NAA11: variants seen among roughly 807,000 people sequenced by gnomAD.
NAA11 encodes N-alpha-acetyltransferase 11.
In NAA11, 15 loss-of-function variants were observed where a neutral mutation model predicts 16.1. The ratio of observed to expected loss-of-function variants is 0.93; its 90% CI spans 0.62 to 1.44. The LOEUF (loss-of-function observed/expected upper bound fraction) is 1.44, where lower values mean the gene tolerates loss of function less well. Among genes scored for constraint, NAA11 ranks in the 40% most tolerant of loss-of-function variants. NAA11 has a pLI of 0.00. For synonymous variants in NAA11, 122 were observed against 112.4 expected (o/e 1.09, Z -0.54); for missense variants, 298 against 291.3 (o/e 1.02, Z -0.17).
intron 2 of NAA11, among the ~76,000 whole-genome samples, chr4:79,239,632 G>A (rs1161531947): frequency 1.3e-5 from 2 of 152,216 alleles, no homozygotes; most frequent in East Asian, 1.9e-4. Context: ...CCCGGAAGGC[G>A]GAGGTTGCAG....
At chr4:79,226,920 T>C (rs549856853) in intron 2 of NAA11, among the ~76,000 whole-genome samples, 163 of 152,186 alleles carry the variant, frequency 1.1e-3, no homozygotes, top group African/African-American at 3.8e-3. Context: ...GCAGCATGAT[T>C]TATATTCTTT....
At chr4:79,158,915 A>G in the NAA11 span, among the ~76,000 whole-genome samples, 1 of 151,970 alleles carries the variant, frequency 6.6e-6, no homozygotes, top group Non-Finnish European at 1.5e-5. Context: ...AGTCACATGT[A>G]GAAAGAATAC....
At chr4:79,242,935 G>C (rs1721727639) in intron 2 of NAA11, among the ~76,000 whole-genome samples, 1 of 152,214 alleles carries the variant, frequency 6.6e-6, no homozygotes, top group South Asian at 2.1e-4. Flanking sequence ...TCTCATTAGA[G>C]ATAAGAATTA....
At chr4:79,227,828 T>C in intron 2 of NAA11, 1 of 152,006 alleles carries the variant, frequency 6.6e-6, no homozygotes, top group Middle Eastern at 3.2e-3. Flanking sequence ...AACTCCCTGC[T>C]CTTCCTCATA....
chr4:79,222,470 T>A (rs1385608516), downstream of NAA11, among the ~76,000 whole-genome samples: 1 of 150,738 alleles, frequency 6.6e-6, no homozygotes, highest in African/African-American at 2.4e-5. Flanking sequence ...GATCCCTTCC[T>A]TACACCTTAT....
chr4:79,207,539 AC>A, the NAA11 span, among the ~76,000 whole-genome samples: 1 of 152,054 alleles, frequency 6.6e-6, no homozygotes, highest in Non-Finnish European at 1.5e-5. Flanking sequence ...TTCACAAGAA[AC>A]CAAGCCTGCT....
intron 1 of NAA11, among the ~76,000 whole-genome samples, chr4:79,309,028 GAA>G (rs1223271011): frequency 1.3e-5 from 2 of 152,174 alleles, no homozygotes; most frequent in Non-Finnish European, 2.9e-5. Context: ...GGGGATGTAT[GAA>G]AAGATAAGCA....
chr4:79,262,991 A>C (rs1722272035), intron 2 of NAA11, among the ~76,000 whole-genome samples: 1 of 152,184 alleles, frequency 6.6e-6, no homozygotes, highest in African/African-American at 2.4e-5. Flanking sequence ...GATTTAAATA[A>C]ATAAAATGGC....
At chr4:79,279,822 T>C (rs192004494) in intron 2 of NAA11, among the ~76,000 whole-genome samples, 4 of 152,252 alleles carry the variant, frequency 2.6e-5, no homozygotes, top group Admixed American at 2.0e-4. Context: ...CCAGGACTCA[T>C]AGATACTAAG....
chr4:79,324,528 T>C (rs2110019833), intron 1 of NAA11, among the ~76,000 whole-genome samples: 1 of 152,358 alleles, frequency 6.6e-6, no homozygotes, highest in South Asian at 2.1e-4. Context: ...CCTCTCATTC[T>C]GGATTTGGCT....
the NAA11 span, among the ~76,000 whole-genome samples, chr4:79,214,725 G>C: frequency 2.6e-5 from 4 of 152,146 alleles, no homozygotes; most frequent in East Asian, 7.7e-4. Flanking sequence ...CATGAACCAG[G>C]AGGCAGAGCT....
chr4:79,158,652 A>C, the NAA11 span, among the ~76,000 whole-genome samples: 1 of 149,766 alleles, frequency 6.7e-6, no homozygotes, highest in Admixed American at 6.7e-5. Flanking sequence ...GCATAGCCAA[A>C]GCAAGACTAA....
the NAA11 span, among the ~76,000 whole-genome samples, chr4:79,175,371 G>GAC: frequency 1.3e-5 from 2 of 152,086 alleles, no homozygotes; most frequent in African/African-American, 4.8e-5. Context: ...CGTGGATAAT[G>GAC]ACACATGAAA....
At chr4:79,190,250 TTCTTAA>T in the NAA11 span, among the ~76,000 whole-genome samples, 18 of 152,104 alleles carry the variant, frequency 1.2e-4, no homozygotes, top group African/African-American at 4.3e-4. Flanking sequence ...AAAAAAAAGG[TTCTTAA>T]TCTTCTTGGA....
At chr4:79,186,750 C>A in the NAA11 span, among the ~76,000 whole-genome samples, 1 of 152,066 alleles carries the variant, frequency 6.6e-6, no homozygotes, top group Non-Finnish European at 1.5e-5. Context: ...ATAGAGAAGT[C>A]TTGGTGGGCT....
chr4:79,159,240 A>T, the NAA11 span, among the ~76,000 whole-genome samples: 1 of 152,174 alleles, frequency 6.6e-6, no homozygotes. Context: ...TTAGCAAGGA[A>T]AAAAGCAAAC....
intron 1 of NAA11, chr4:79,306,708 G>A (rs922958008): frequency 6.6e-6 from 1 of 152,196 alleles, no homozygotes; most frequent in Non-Finnish European, 1.5e-5. Context: ...ACATGTTTAA[G>A]ACCACAGAAC....
the NAA11 span, among the ~76,000 whole-genome samples, chr4:79,220,074 C>T: frequency 0.83 from 126,736 of 152,218 alleles, 53,983 homozygotes; most frequent in Non-Finnish European, 0.92. Flanking sequence ...AGCATGCTCA[C>T]TGCTACAAGA....
the NAA11 span, among the ~76,000 whole-genome samples, chr4:79,202,464 C>T: frequency 3.4e-5 from 5 of 148,192 alleles, no homozygotes; most frequent in Non-Finnish European, 7.5e-5. Context: ...ATTTTATTAA[C>T]ATAAAGTGGA....
Sources: gnomAD v4.1 joint callset for allele counts (sites outside exome capture counted in the v4.1 genomes callset) on GRCh38, gnomAD v4.1.1 for gene constraint, MANE v1.5 for transcripts, NCBI Gene and HGNC (gene_info 2026-07-23, HGNC 2026-07-21) for gene names.